Variants in CNST observed in about 807,000 individuals in gnomAD.
CNST encodes consortin.
CNST carries 39 observed loss-of-function variants against 72.4 expected under a neutral mutation model. The ratio of observed to expected loss-of-function variants is 0.54; its 90% CI spans 0.42 to 0.70. The LOEUF is 0.70. CNST is among the 30% of genes least tolerant of loss of function. CNST has a pLI of 0.00. For synonymous variants in CNST, 332 were observed against 320.1 expected (o/e 1.04, Z -0.40); for missense variants, 871 against 868.5 (o/e 1.00, Z -0.04).
intron 1 of CNST, among the ~76,000 whole-genome samples, chr1:246,587,809 T>C (rs980874552): frequency 2.0e-5 from 3 of 152,224 alleles, no homozygotes; most frequent in Admixed American, 6.5e-5. Flanking sequence ...CCAAGCCCCA[T>C]TGTGAAAGGC....
intron 9 of CNST, among the ~76,000 whole-genome samples, chr1:246,650,037 T>G (rs1666364901): frequency 2.0e-5 from 3 of 152,084 alleles, no homozygotes; most frequent in African/African-American, 7.2e-5. Context: ...TTTCCCAAAT[T>G]ATTTTTCCCC....
At chr1:246,641,815 G>A in intron 7 of CNST, 45 bp downstream of exon 7, 2 of 1,265,566 alleles carry the variant, frequency 1.6e-6, no homozygotes, top group Non-Finnish European at 2.3e-6. Context: ...AAAAATGTTT[G>A]TGTCATATGT....
chr1:246,654,975 A>G (rs572910680), intron 9 of CNST, among the ~76,000 whole-genome samples: 6 of 152,348 alleles, frequency 3.9e-5, no homozygotes, highest in Admixed American at 2.0e-4. Flanking sequence ...AAACAAAAAT[A>G]TAGTTTTGGA....
chr1:246,596,665 A>G (rs1661907585), intron 2 of CNST, among the ~76,000 whole-genome samples: 1 of 152,178 alleles, frequency 6.6e-6, no homozygotes, highest in Non-Finnish European at 1.5e-5. Context: ...TCAGCAGTCA[A>G]TTTTAGTATG....
At chr1:246,632,896 C>G (rs902917469) in intron 4 of CNST, among the ~76,000 whole-genome samples, 1 of 152,152 alleles carries the variant, frequency 6.6e-6, no homozygotes, top group African/African-American at 2.4e-5. Context: ...TAATAAGGAT[C>G]AAGGTGACTT....
chr1:246,585,073 T>A (rs1314119622), intron 1 of CNST, among the ~76,000 whole-genome samples: 3 of 152,202 alleles, frequency 2.0e-5, no homozygotes, highest in Non-Finnish European at 4.4e-5. Context: ...TGGGCCTTAG[T>A]CCCTGTGAGC....
intron 9 of CNST, among the ~76,000 whole-genome samples, chr1:246,659,616 A>G (rs1281959017): frequency 6.6e-6 from 1 of 152,030 alleles, no homozygotes; most frequent in Non-Finnish European, 1.5e-5. Context: ...AAATGTCCCT[A>G]GTAAACTGGC....
intron 1 of CNST, among the ~76,000 whole-genome samples, chr1:246,575,089 G>A (rs534597516): frequency 2.0e-5 from 3 of 151,810 alleles, no homozygotes; most frequent in Non-Finnish European, 2.9e-5. Flanking sequence ...TCCACCTCCC[G>A]GGTTCAAGTG....
intron 2 of CNST, among the ~76,000 whole-genome samples, chr1:246,602,787 T>G (rs1195373315): frequency 6.6e-6 from 1 of 152,136 alleles, no homozygotes; most frequent in African/African-American, 2.4e-5. Context: ...TAATGGCAAT[T>G]CTATTCACAG....
intron 2 of CNST, among the ~76,000 whole-genome samples, chr1:246,615,521 G>A (rs1228710107): frequency 2.0e-5 from 3 of 151,520 alleles, no homozygotes; most frequent in Admixed American, 2.0e-4. Flanking sequence ...AGCTACTCAG[G>A]AGACTGAGGC....
intron 6 of CNST, among the ~76,000 whole-genome samples, chr1:246,638,346 G>A (rs3129539): frequency 0.91 from 139,020 of 152,184 alleles, 63,500 homozygotes; most frequent in South Asian, 0.94. Context: ...CTGCTAGTGC[G>A]TTTCCAGCCC....
rs1326831767 is a variant in CNST, at chr1:246,660,336, T to C, written c.1972+2T>C. 2.5e-6 allele frequency: 4 copies of C among 1,612,546 alleles called. No individual in the cohort carries two copies. Among genetic ancestry groups the C allele is most frequent in the Non-Finnish European group, 3.4e-6 (4 of 1,179,556 alleles). On this transcript the variant is annotated splice_donor_variant, in intron 10 of 10. Transcript: ENST00000366513. LOFTEE classifies it high-confidence loss of function. ...AAATAGACGATAGCTTGGATCAAGG[T>C]AAACCGCTTGGCACTGTGGCTAGCA...
chr1:246,634,471 A>G lies in CNST; in HGVS notation c.704-2A>G. Reference sequence around the variant, plus strand: ...AGTGACTAACAAATACTTTAAATTTAGAAACAAAATGGAAAACTGTGCAAC... The same window carrying G: ...AGTGACTAACAAATACTTTAAATTTGGAAACAAAATGGAAAACTGTGCAAC... On this transcript the variant is annotated splice_acceptor_variant, in intron 5 of 10. Coordinates refer to ENST00000366513, the MANE Select transcript of CNST (RefSeq NM_152609.3). LOFTEE classifies it high-confidence loss of function. The G allele has an allele frequency of 1.3e-6, 2 of 1,554,330 alleles. No homozygotes were observed. Among genetic ancestry groups the G allele is most frequent in the South Asian group, 2.4e-5 (2 of 82,794 alleles).
chr1:246,626,483 A>T (rs1369351765), intron 3 of CNST, among the ~76,000 whole-genome samples: 3 of 85,600 alleles, frequency 3.5e-5, no homozygotes, highest in Admixed American at 1.9e-4. Flanking sequence ...TTTGAGACGG[A>T]GTCTCACTGT....
intron 3 of CNST, among the ~76,000 whole-genome samples, chr1:246,622,159 T>G (rs1664134682): frequency 6.6e-6 from 1 of 152,232 alleles, no homozygotes; most frequent in South Asian, 2.1e-4. Context: ...ATCCATAGTT[T>G]AAACAATGGT....
chr1:246,664,298 G>A (rs1050737230), intron 10 of CNST, among the ~76,000 whole-genome samples: 1 of 152,152 alleles, frequency 6.6e-6, no homozygotes, highest in African/African-American at 2.4e-5. Flanking sequence ...TATTTGTTGT[G>A]CAGAACTGTA....
At chr1:246,655,688 T>A (rs1304595244) in intron 9 of CNST, among the ~76,000 whole-genome samples, 6 of 152,234 alleles carry the variant, frequency 3.9e-5, no homozygotes, top group Non-Finnish European at 7.3e-5. Flanking sequence ...TTAATAGTCA[T>A]AGAAAATAAG....
rs148630742 is a variant in CNST, at chr1:246,668,151, C to T, written c.*2246C>T. The T allele has an allele frequency of 2.7e-4, 41 of 152,288 alleles. No individual in the cohort carries two copies. The highest frequency in any genetic ancestry group is 9.6e-4 in the African/African-American group (40 of 41,558). The allele number at this position is 152,288 out of a possible 1,614,324, so 9.4% of individuals were successfully genotyped here. A position where few individuals can be genotyped will look rare whatever the true frequency, so the allele number is the denominator to read the frequency against. On this transcript the variant is annotated 3_prime_UTR_variant, in exon 11 of 11. Coordinates refer to ENST00000366513, the MANE Select transcript of CNST (RefSeq NM_152609.3). ...TTAAAAATGTCATAGTTATCTATTG[C>T]ATGAACTGGAGTAATTCCACCTGGT...
chr1:246,646,285 A>AAAAAAAAAAC (rs1666066233), intron 8 of CNST, among the ~76,000 whole-genome samples: 1 of 151,766 alleles, frequency 6.6e-6, no homozygotes, highest in African/African-American at 2.4e-5. Context: ...GTCTCAAAAA[A>AAAAAAAAAAC]AAAAAAAAAG....
Sources: allele counts gnomAD v4.1 joint callset (sites outside exome capture counted in the v4.1 genomes callset), GRCh38; gene constraint gnomAD v4.1.1; transcripts MANE v1.5; gene names NCBI Gene and HGNC (gene_info 2026-07-23, HGNC 2026-07-21).